The following NKAIN2 variants were observed in gnomAD, a reference collection of about 807,000 sequenced individuals.
The protein encoded by NKAIN2 is sodium/potassium transporting ATPase interacting 2.
A neutral mutation model predicts 32.6 loss-of-function variants in NKAIN2; 14 were observed. That is an observed-to-expected ratio of 0.43 (90% CI 0.28 to 0.67). The LOEUF (loss-of-function observed/expected upper bound fraction) is 0.67, where lower values mean the gene tolerates loss of function less well. Ranked by LOEUF, NKAIN2 falls within the 30% of genes least tolerant of loss-of-function variation. The pLI, the probability that NKAIN2 is intolerant of heterozygous loss-of-function variation, is 0.17. For missense variants in NKAIN2, 198 were observed against 258.3 expected (o/e 0.77, Z 1.60); for synonymous variants, 80 against 87.2 (o/e 0.92, Z 0.46).
chr6:124,582,881 T>C lies in NKAIN2; in HGVS notation c.274-75305T>C, dbSNP rs549369907. On this transcript the variant is annotated intron_variant, in intron 3 of 6. Transcript: ENST00000368417. ...TGAAGGACAAAAACCACATGATTATTTCAATTGATGCTGAAAAAGCACTTG... is the reference window on the plus strand; with the variant it reads ...TGAAGGACAAAAACCACATGATTATCTCAATTGATGCTGAAAAAGCACTTG... Among the ~76,000 whole-genome samples the C allele has an allele frequency of 2.0e-5, 3 of 152,244 alleles. No individual in the cohort carries two copies. In the East Asian group the frequency reaches 5.8e-4, roughly 29 times the overall value.
chr6:124,647,496 CAAAAAAAAAAAAA>C (rs1157607122), intron 3 of NKAIN2, among the ~76,000 whole-genome samples: 3 of 58,940 alleles, frequency 5.1e-5, no homozygotes, highest in African/African-American at 1.6e-4. Flanking sequence ...GAGACTCTGT[CAAAAAAAAAAAAA>C]AAAAAAAAAA....
intron 1 of NKAIN2, among the ~76,000 whole-genome samples, chr6:123,857,930 C>T (rs1775619568): frequency 6.6e-6 from 1 of 150,396 alleles, no homozygotes; most frequent in South Asian, 2.1e-4. Flanking sequence ...AGGCTAACCT[C>T]CTAAACAAAG....
At chr6:124,795,486 T>A (rs1779957294) in intron 5 of NKAIN2, among the ~76,000 whole-genome samples, 1 of 152,122 alleles carries the variant, frequency 6.6e-6, no homozygotes, top group Admixed American at 6.6e-5. Context: ...GCCTGAGAAC[T>A]TTTTTCCCTT....
chr6:124,101,615 T>C (rs1006887519), intron 1 of NKAIN2, among the ~76,000 whole-genome samples: 1 of 152,118 alleles, frequency 6.6e-6, no homozygotes, highest in Non-Finnish European at 1.5e-5. Context: ...ATCCACTCCA[T>C]TGGGACTAAG....
At chr6:124,497,264 A>G (rs904794413) in intron 3 of NKAIN2, among the ~76,000 whole-genome samples, 1 of 152,088 alleles carries the variant, frequency 6.6e-6, no homozygotes. Context: ...TTCATGCTTC[A>G]TGTGCATGCT....
intron 1 of NKAIN2, among the ~76,000 whole-genome samples, chr6:123,865,524 A>T (rs561341304): frequency 6.6e-6 from 1 of 152,184 alleles, no homozygotes; most frequent in Non-Finnish European, 1.5e-5. Context: ...CAAAACAAGA[A>T]ATTAAATATC....
intron 3 of NKAIN2, among the ~76,000 whole-genome samples, chr6:124,553,608 CAT>C (rs1250367094): frequency 6.6e-6 from 1 of 152,104 alleles, no homozygotes; most frequent in Non-Finnish European, 1.5e-5. Flanking sequence ...CACCAGGCCA[CAT>C]ATAGAGGTTT....
intron 3 of NKAIN2, among the ~76,000 whole-genome samples, chr6:124,403,354 A>G (rs1043372103): frequency 1.3e-5 from 2 of 152,130 alleles, no homozygotes; most frequent in Admixed American, 6.5e-5. Flanking sequence ...ACTAATTCTA[A>G]TAAATTACAT....
intron 3 of NKAIN2, among the ~76,000 whole-genome samples, chr6:124,383,725 G>A (rs1772754799): frequency 6.6e-6 from 1 of 152,112 alleles, no homozygotes; most frequent in African/African-American, 2.4e-5. Context: ...CTGTTATTTT[G>A]TTTTCATCAC....
At chr6:124,022,655 A>G (rs1221365144) in intron 1 of NKAIN2, among the ~76,000 whole-genome samples, 1 of 152,234 alleles carries the variant, frequency 6.6e-6, no homozygotes, top group Non-Finnish European at 1.5e-5. Context: ...TTTTCTTTCA[A>G]TTACATCAAT....
At chr6:124,643,847 C>A (rs1784075478) in intron 3 of NKAIN2, among the ~76,000 whole-genome samples, 1 of 152,180 alleles carries the variant, frequency 6.6e-6, no homozygotes, top group Non-Finnish European at 1.5e-5. Flanking sequence ...TTGCAACTCT[C>A]ACACTCCATC....
chr6:124,817,352 C>A (rs1781212003), intron 5 of NKAIN2, among the ~76,000 whole-genome samples: 1 of 151,966 alleles, frequency 6.6e-6, no homozygotes, highest in Non-Finnish European at 1.5e-5. Context: ...AGACTGGACA[C>A]CCCGATTGAA....
At chr6:124,424,338 C>T (rs546664736) in intron 3 of NKAIN2, among the ~76,000 whole-genome samples, 2 of 152,224 alleles carry the variant, frequency 1.3e-5, no homozygotes, top group South Asian at 4.1e-4. Flanking sequence ...ACTGATCACT[C>T]CAATAAAACC....
intron 1 of NKAIN2, among the ~76,000 whole-genome samples, chr6:123,953,891 G>A (rs1163015334): frequency 6.6e-6 from 1 of 152,188 alleles, no homozygotes; most frequent in African/African-American, 2.4e-5. Flanking sequence ...GGAGTATACA[G>A]GTGGCTAGGG....
intron 3 of NKAIN2, among the ~76,000 whole-genome samples, chr6:124,426,615 G>C (rs1197161452): frequency 1.3e-5 from 2 of 152,146 alleles, no homozygotes; most frequent in Admixed American, 6.5e-5. Context: ...AGGTACCAAT[G>C]TACATGGCTA....
At chr6:124,676,352 T>G (rs1773355476) in intron 4 of NKAIN2, among the ~76,000 whole-genome samples, 2 of 152,172 alleles carry the variant, frequency 1.3e-5, no homozygotes, top group South Asian at 4.1e-4. Flanking sequence ...TTGTCTATAT[T>G]GTTGTTCTAG....
chr6:124,808,971 G>T (rs1174035774), intron 5 of NKAIN2, among the ~76,000 whole-genome samples: 3 of 152,042 alleles, frequency 2.0e-5, no homozygotes, highest in South Asian at 2.1e-4. Context: ...CACTGCTCAA[G>T]GAAATTAAAG....
At chr6:123,931,361 A>G (rs1776245283) in intron 1 of NKAIN2, among the ~76,000 whole-genome samples, 1 of 151,834 alleles carries the variant, frequency 6.6e-6, no homozygotes, top group South Asian at 2.1e-4. Context: ...TCCATTTCTT[A>G]CTCTCCACTG....
chr6:123,833,040 T>C (rs931897997), intron 1 of NKAIN2, among the ~76,000 whole-genome samples: 3 of 152,214 alleles, frequency 2.0e-5, no homozygotes, highest in Non-Finnish European at 2.9e-5. Context: ...AACCAAGTTA[T>C]CTAGATTTTC....
Sources: allele counts gnomAD v4.1 joint callset (sites outside exome capture counted in the v4.1 genomes callset), GRCh38; gene constraint gnomAD v4.1.1; transcripts MANE v1.5; gene names NCBI Gene and HGNC (gene_info 2026-07-23, HGNC 2026-07-21).